GRK3: variants seen among roughly 807,000 people sequenced by gnomAD.
GRK3 encodes the protein G protein-coupled receptor kinase 3.
In GRK3, 54 loss-of-function variants were observed where a neutral mutation model predicts 95.7. The ratio of observed to expected loss-of-function variants is 0.56; its 90% CI spans 0.45 to 0.71. GRK3 has a LOEUF of 0.71. GRK3 is among the 30% of genes least tolerant of loss of function. The pLI is 0.00. For synonymous variants in GRK3, 281 were observed against 290.8 expected (o/e 0.97, Z 0.34); for missense variants, 649 against 851.2 (o/e 0.76, Z 2.96).
At chr22:25,678,063 G>T (rs997264469) in intron 8 of GRK3, among the ~76,000 whole-genome samples, 4 of 152,116 alleles carry the variant, frequency 2.6e-5, no homozygotes, top group African/African-American at 9.7e-5. Context: ...CAATAAAATA[G>T]CATTTTAGGA....
At chr22:25,662,001 G>A (rs1478486355) in intron 4 of GRK3, among the ~76,000 whole-genome samples, 1 of 152,106 alleles carries the variant, frequency 6.6e-6, no homozygotes, top group African/African-American at 2.4e-5. Context: ...TTTAAAATGA[G>A]CTATACTTTA....
At chr22:25,659,746 T>C (rs1226551560) in intron 3 of GRK3, among the ~76,000 whole-genome samples, 1 of 152,198 alleles carries the variant, frequency 6.6e-6, no homozygotes, top group African/African-American at 2.4e-5. Flanking sequence ...CCACAGATGC[T>C]TTAGGCTCTT....
chr22:25,649,259 T>G, intron 3 of GRK3: 1 of 1,065,882 alleles, frequency 9.4e-7, no homozygotes. Flanking sequence ...TTTTATATGC[T>G]CACATCTGCC....
chr22:25,586,162 G>A (rs1434158903), intron 1 of GRK3, among the ~76,000 whole-genome samples: 1 of 152,252 alleles, frequency 6.6e-6, no homozygotes, highest in African/African-American at 2.4e-5. Flanking sequence ...ACAGTGACAT[G>A]TTGAGTCCTT....
chr22:25,671,090 A>G (rs2084978196), intron 6 of GRK3, among the ~76,000 whole-genome samples: 2 of 151,708 alleles, frequency 1.3e-5, no homozygotes, highest in South Asian at 4.2e-4. Flanking sequence ...GTGGTGGCTC[A>G]GGCTTGTAAT....
chr22:25,707,195 C>G (rs1273575426), intron 15 of GRK3, among the ~76,000 whole-genome samples: 1 of 152,174 alleles, frequency 6.6e-6, no homozygotes. Context: ...AAGTTGCATG[C>G]TTTCATGCAA....
At position 25,723,784 on chromosome 22, in the gene GRK3, A is replaced by G. The variant is rs2085453202; in HGVS notation, c.*1334A>G. On this transcript the variant is annotated 3_prime_UTR_variant, in exon 21 of 21. Coordinates refer to ENST00000324198, the MANE Select transcript of GRK3 (RefSeq NM_005160.4). The stretch of plus-strand genomic sequence containing the variant: ...AACAGTATAAATAACTTGACATCGT[A>G]ATTGTCTGCATCCTGTCCTTGATAT... 6.6e-6 allele frequency: 1 copy of G among 152,158 alleles called. No individual in the cohort carries two copies. Among genetic ancestry groups the G allele is most frequent in the African/African-American group, 2.4e-5 (1 of 41,432 alleles). 9.4% of individuals were successfully genotyped at this position (152,158 alleles called of 1,614,324 possible).
rs1008521393 is a variant in GRK3, at chr22:25,727,862, A to G, written c.*5412A>G. On this transcript the variant is annotated 3_prime_UTR_variant, in exon 21 of 21. Coordinates refer to ENST00000324198, the MANE Select transcript of GRK3 (RefSeq NM_005160.4). ...GATTATATTAAATGATGTATATATT[A>G]TATGTGGTTTATAAGCTCAACACTG... is the stretch of plus-strand genomic sequence containing the variant. 6.6e-6 allele frequency: 1 copy of G among 152,156 alleles called. No individual in the cohort carries two copies. The highest frequency in any genetic ancestry group is 2.4e-5 in the African/African-American group (1 of 41,444). The allele number at this position is 152,156 out of a possible 1,614,324, so 9.4% of individuals were successfully genotyped here.
At chr22:25,710,030 TCA>T (rs1351132619) in intron 16 of GRK3, 66 bp downstream of exon 16, 1 of 1,206,670 alleles carries the variant, frequency 8.3e-7, no homozygotes, top group Non-Finnish European at 1.2e-6. Context: ...CATCTCTGTC[TCA>T]GTTTCTGTCT....
intron 1 of GRK3, among the ~76,000 whole-genome samples, chr22:25,576,755 G>A (rs1258717134): frequency 6.6e-6 from 1 of 152,132 alleles, no homozygotes; most frequent in Non-Finnish European, 1.5e-5. Context: ...ATTTTATGAG[G>A]AGGGGGCTCA....
chr22:25,653,980 G>A (rs554058812), intron 3 of GRK3, among the ~76,000 whole-genome samples: 6 of 152,030 alleles, frequency 3.9e-5, no homozygotes, highest in African/African-American at 7.2e-5. Flanking sequence ...AGCCACCGGC[G>A]CCCAGCCCAC....
In GRK3 at chr22:25,724,416, A is replaced by G. The variant is rs2085458586; in HGVS notation, c.*1966A>G. 1 of 152,204 alleles carries G rather than the reference A, an allele frequency of 6.6e-6. No homozygotes were observed. Among genetic ancestry groups the G allele is most frequent in the Non-Finnish European group, 1.5e-5 (1 of 68,042 alleles). 9.4% of individuals were successfully genotyped at this position (152,204 alleles called of 1,614,324 possible). On this transcript the variant is annotated 3_prime_UTR_variant, in exon 21 of 21. Transcript: ENST00000324198. ...CAAACGTGTTCAGAAAGATTATTCA[A>G]CTTTCCCATACTTGTTCTAAAATTG... is the stretch of plus-strand genomic sequence containing the variant.
chr22:25,612,839 C>T (rs1038691337), intron 2 of GRK3, among the ~76,000 whole-genome samples: 2 of 143,742 alleles, frequency 1.4e-5, no homozygotes, highest in Non-Finnish European at 3.0e-5. Context: ...GAAACTACTA[C>T]CTCTAAAAGT....
chr22:25,603,881 C>T (rs1378138574), intron 1 of GRK3, among the ~76,000 whole-genome samples: 1 of 152,040 alleles, frequency 6.6e-6, no homozygotes, highest in Non-Finnish European at 1.5e-5. Context: ...CAAGCTAAGT[C>T]TTTTAATTAT....
chr22:25,600,401 A>G (rs1352687972), intron 1 of GRK3, among the ~76,000 whole-genome samples: 1 of 152,102 alleles, frequency 6.6e-6, no homozygotes, highest in African/African-American at 2.4e-5. Context: ...CGGCCTCCCA[A>G]AGTGCTGGGA....
chr22:25,611,138 A>T (rs2084494126), intron 2 of GRK3, among the ~76,000 whole-genome samples: 1 of 152,226 alleles, frequency 6.6e-6, no homozygotes, highest in Non-Finnish European at 1.5e-5. Flanking sequence ...CCGGGATTAC[A>T]GGCATGAGCC....
intron 1 of GRK3, among the ~76,000 whole-genome samples, chr22:25,591,765 G>C (rs1287606282): frequency 1.3e-5 from 2 of 151,610 alleles, no homozygotes; most frequent in Non-Finnish European, 2.9e-5. Flanking sequence ...TGGGGGGTCT[G>C]GCTTCTTTAA....
At chr22:25,678,042 T>G (rs1286946993) in intron 8 of GRK3, among the ~76,000 whole-genome samples, 1 of 151,992 alleles carries the variant, frequency 6.6e-6, no homozygotes, top group Non-Finnish European at 1.5e-5. Context: ...ATATCAAAAT[T>G]AAAAATAAAT....
In GRK3 at chr22:25,723,074, C is replaced by G. The variant is rs555566762; in HGVS notation, c.*624C>G. On this transcript the variant is annotated 3_prime_UTR_variant, in exon 21 of 21. Coordinates refer to ENST00000324198, the MANE Select transcript of GRK3 (RefSeq NM_005160.4). Reference sequence around the variant, plus strand: ...GGCCCCCTCAGCCAGGTGGGAATGACGGACACGTACTATCCAAGTGTATGG... The same window carrying G: ...GGCCCCCTCAGCCAGGTGGGAATGAGGGACACGTACTATCCAAGTGTATGG... 6.6e-6 allele frequency: 1 copy of G among 152,434 alleles called. No homozygotes were observed. The highest frequency in any genetic ancestry group is 2.1e-4 in the South Asian group (1 of 4,826). The allele number at this position is 152,434 out of a possible 1,614,324, so 9.4% of individuals were successfully genotyped here.
Sources: gnomAD v4.1 joint callset for allele counts (sites outside exome capture counted in the v4.1 genomes callset) on GRCh38, gnomAD v4.1.1 for gene constraint, MANE v1.5 for transcripts, NCBI Gene and HGNC (gene_info 2026-07-23, HGNC 2026-07-21) for gene names.